The following PKD1L1 variants were observed in gnomAD, a reference collection of about 807,000 sequenced individuals.
PKD1L1 encodes the protein polycystin 1 like 1, transient receptor potential channel interacting.
PKD1L1 carries 236 observed loss-of-function variants against 323.4 expected under a neutral mutation model. The ratio of observed to expected loss-of-function variants is 0.73; its 90% CI spans 0.66 to 0.81. PKD1L1 has a LOEUF of 0.81. Ranked by LOEUF, PKD1L1 falls within the 40% of genes least tolerant of loss-of-function variation. PKD1L1 has a pLI of 0.00. For synonymous variants in PKD1L1, 1,344 were observed against 1,335.0 expected (o/e 1.01, Z -0.15); for missense variants, 3,320 against 3,508.0 (o/e 0.95, Z 1.35).
intron 26 of PKD1L1, among the ~76,000 whole-genome samples, chr7:47,863,063 G>A (rs2128743210): frequency 1.3e-5 from 2 of 152,298 alleles, no homozygotes; most frequent in Middle Eastern, 6.8e-3. Flanking sequence ...GCGCAGTAGA[G>A]GCAGGAGAGG....
intron 31 of PKD1L1, among the ~76,000 whole-genome samples, chr7:47,852,161 C>G (rs1329475100): frequency 6.6e-6 from 1 of 152,072 alleles, no homozygotes; most frequent in Non-Finnish European, 1.5e-5. Flanking sequence ...TCAAAAACAT[C>G]CCCCACCCAC....
intron 52 of PKD1L1, among the ~76,000 whole-genome samples, chr7:47,807,762 G>A (rs1258143341): frequency 6.6e-6 from 1 of 152,178 alleles, no homozygotes; most frequent in East Asian, 1.9e-4. Context: ...CTGCAGGAAG[G>A]GCTGCCTAGG....
chr7:47,934,581 G>T (rs1335576213), intron 4 of PKD1L1, among the ~76,000 whole-genome samples: 1 of 152,032 alleles, frequency 6.6e-6, no homozygotes, highest in Non-Finnish European at 1.5e-5. Flanking sequence ...ATTTTCTTTA[G>T]GAAAACAACA....
intron 21 of PKD1L1, among the ~76,000 whole-genome samples, chr7:47,880,249 T>TAGATAGATAGATAGATAGATAGATAG (rs1424463564): frequency 4.7e-4 from 48 of 101,660 alleles, no homozygotes; most frequent in African/African-American, 2.2e-3. Context: ...ATAAATAAGA[T>TAGATAGATAGATAGATAGATAGATAG]ATATATATAT....
rs746414638 is a variant in PKD1L1 at position 47,866,553 on chromosome 7, T to G, written c.3958A>C (p.Arg1320=). ...CTGGTGATCACAGTGATGTAGTTCC[T>G]GATTTCTGTGTAACTCCCCATCAGC... The part of the protein sequence containing the change: ...LQLMGSYTEI[R]NYITVITRIL... The change falls in exon 25 of 57, where the codon AGG becomes CGG. Residue 1320 remains arginine (R), a synonymous_variant. Coordinates refer to ENST00000289672, the MANE Select transcript of PKD1L1 (RefSeq NM_138295.5). 1 of 1,613,104 alleles carries G rather than the reference T, an allele frequency of 6.2e-7. No individual in the cohort carries two copies. Among genetic ancestry groups the G allele is most frequent in the African/African-American group, 1.3e-5 (1 of 74,916 alleles).
chr7:47,794,113 A>T (rs1399957316), intron 55 of PKD1L1, among the ~76,000 whole-genome samples: 1 of 152,246 alleles, frequency 6.6e-6, no homozygotes. Context: ...CTGACAATGC[A>T]GTGGAAAAGA....
intron 12 of PKD1L1, 63 bp from the exon 13 acceptor site, chr7:47,902,574 A>G (rs1787116786): frequency 5.8e-6 from 9 of 1,552,994 alleles, no homozygotes; most frequent in Non-Finnish European, 7.9e-6. Flanking sequence ...GCTTTCATTC[A>G]CTCTTCATAC....
chr7:47,943,163 A>AAATAT (rs1554417311), intron 2 of PKD1L1, among the ~76,000 whole-genome samples: 3 of 34,146 alleles, frequency 8.8e-5, no homozygotes, highest in South Asian at 8.9e-4. Flanking sequence ...AAAAAAAAAA[A>AAATAT]ATATATATAT....
At position 47,847,028 on chromosome 7, in the gene PKD1L1, G is replaced by C; in HGVS notation, c.5004C>G (p.Asp1668Glu). 1 of 1,607,960 alleles carries C rather than the reference G, an allele frequency of 6.2e-7. No individual in the cohort carries two copies. Among genetic ancestry groups the C allele is most frequent in the Non-Finnish European group, 8.5e-7 (1 of 1,177,954 alleles). Residue 1668 changes from aspartate (D) to glutamate (E), a missense_variant, in exon 32 of 57, where the codon GAC becomes GAG. Coordinates refer to ENST00000289672, the MANE Select transcript of PKD1L1 (RefSeq NM_138295.5). ...GYLSLLDADY[D>E]RKPPNRYLAK... The stretch of plus-strand genomic sequence containing the variant: ...CTAAATATCTGTTTGGAGGTTTTCT[G>C]TCATAGTCAGCATCCAATAAGGATA...
intron 21 of PKD1L1, among the ~76,000 whole-genome samples, chr7:47,878,456 C>A (rs9918570): frequency 5.9e-5 from 9 of 151,988 alleles, no homozygotes; most frequent in Non-Finnish European, 1.0e-4. Context: ...GATCATCATC[C>A]TCATCGTAAC....
chr7:47,928,289 G>A (rs1349402920), intron 7 of PKD1L1, among the ~76,000 whole-genome samples: 1 of 152,108 alleles, frequency 6.6e-6, no homozygotes, highest in African/African-American at 2.4e-5. Flanking sequence ...GGCCGGGGGG[G>A]AAGGTGCAGT....
At chr7:47,904,003 C>T (rs1031125456) in intron 12 of PKD1L1, among the ~76,000 whole-genome samples, 1 of 152,202 alleles carries the variant, frequency 6.6e-6, no homozygotes, top group African/African-American at 2.4e-5. Flanking sequence ...TTGCCAGTCA[C>T]TCCAAACATC....
chr7:47,897,190 G>A (rs996811500), intron 14 of PKD1L1, among the ~76,000 whole-genome samples: 3 of 152,206 alleles, frequency 2.0e-5, no homozygotes, highest in African/African-American at 7.2e-5. Context: ...CAAGGTCAGG[G>A]CAGTTTGGGT....
chr7:47,828,158 C>T lies in PKD1L1; in HGVS notation c.6736-690G>A, dbSNP rs144564938. On this transcript the variant is annotated intron_variant, in intron 44 of 56. Coordinates refer to ENST00000289672, the MANE Select transcript of PKD1L1 (RefSeq NM_138295.5). ...GTTGTGCTGTTCTGAGAAAGGAACA[C>T]GTGTGGCGGAGAGATCCGTGGGGAG... Among the ~76,000 whole-genome samples, 558 of 152,172 alleles carry T rather than the reference C, an allele frequency of 3.7e-3. 3 individuals are homozygous for T. Among genetic ancestry groups the T allele is most frequent in the African/African-American group, 0.013 (520 of 41,508 alleles).
intron 44 of PKD1L1, 36 bp from the exon 45 acceptor site, chr7:47,827,504 G>A: frequency 1.3e-6 from 2 of 1,559,928 alleles, no homozygotes; most frequent in South Asian, 1.2e-5. Context: ...CTGCGGGCTG[G>A]TGGGTGGAAG....
At chr7:47,786,886 G>T (rs939615207) in intron 56 of PKD1L1, among the ~76,000 whole-genome samples, 1 of 152,168 alleles carries the variant, frequency 6.6e-6, no homozygotes, top group Non-Finnish European at 1.5e-5. Context: ...GCCAAGAACC[G>T]TTAAGGGGGC....
chr7:47,952,550 G>C (rs1788219346), upstream of PKD1L1, among the ~76,000 whole-genome samples: 2 of 152,170 alleles, frequency 1.3e-5, no homozygotes, highest in Non-Finnish European at 2.9e-5. Flanking sequence ...GCCCAGAAGA[G>C]CTCTGGGGCC....
chr7:47,915,749 G>A (rs897530612), intron 7 of PKD1L1, 150 bp from the exon 8 acceptor site: 16 of 527,192 alleles, frequency 3.0e-5, no homozygotes, highest in South Asian at 8.9e-5. Context: ...GAAATACAAC[G>A]AAATAAAAAT....
At position 47,943,381 on chromosome 7, in the gene PKD1L1, T is replaced by A. The variant is rs1373749610; in HGVS notation, c.160+15A>T. The A allele has an allele frequency of 1.9e-6, 3 of 1,598,600 alleles. No individual in the cohort carries two copies. The highest frequency in any genetic ancestry group is 1.7e-6 in the Non-Finnish European group (2 of 1,167,520). ...TCTTATCATGGTGGCCATGCCTCCT[T>A]CCCCAAGGCCTTACCGACCCACAAT... On this transcript the variant is annotated intron_variant, in intron 2 of 56. Coordinates refer to ENST00000289672, the MANE Select transcript of PKD1L1 (RefSeq NM_138295.5).
Sources: allele counts gnomAD v4.1 joint callset (sites outside exome capture counted in the v4.1 genomes callset), GRCh38; gene constraint gnomAD v4.1.1; transcripts MANE v1.5; gene names NCBI Gene and HGNC (gene_info 2026-07-23, HGNC 2026-07-21).